The following NBAS variants were observed in gnomAD, a reference collection of about 807,000 sequenced individuals.
NBAS encodes NAG/BC035112 fusion.
Under a neutral mutation model 302.5 loss-of-function variants are expected in NBAS, and 219 were observed. The observed-to-expected ratio is 0.72, with a 90% CI of 0.65 to 0.81. The LOEUF is 0.81. NBAS is among the 30% of genes least tolerant of loss of function. The pLI, the probability that NBAS is intolerant of heterozygous loss-of-function variation, is 0.00. For synonymous variants in NBAS, 1,118 were observed against 1,021.6 expected (o/e 1.09, Z -1.80); for missense variants, 2,932 against 2,841.6 (o/e 1.03, Z -0.72).
At chr2:15,220,190 A>C (rs1282271457) in intron 47 of NBAS, among the ~76,000 whole-genome samples, 3 of 100,254 alleles carry the variant, frequency 3.0e-5, no homozygotes, top group Admixed American at 2.2e-4. Context: ...TGACCCCCCC[A>C]CCTCCCTCCC....
chr2:15,354,963 C>T (rs1318168377), intron 33 of NBAS, among the ~76,000 whole-genome samples: 1 of 152,168 alleles, frequency 6.6e-6, no homozygotes, highest in Non-Finnish European at 1.5e-5. Context: ...ATTTTCCACC[C>T]ACTGACCCTT....
At chr2:14,875,384 G>T in the NBAS span, among the ~76,000 whole-genome samples, 1 of 152,132 alleles carries the variant, frequency 6.6e-6, no homozygotes, top group Non-Finnish European at 1.5e-5. Context: ...TTTTGGGAGG[G>T]CAGGTGGCGA....
chr2:15,494,589 C>A (rs1184934461), intron 11 of NBAS, among the ~76,000 whole-genome samples: 2 of 152,138 alleles, frequency 1.3e-5, no homozygotes, highest in African/African-American at 4.8e-5. Flanking sequence ...ATATTTAATT[C>A]TTCTAACTAG....
Position 15,427,768 on chromosome 2 carries a change from A to C in NBAS, c.2366T>G (p.Ile789Ser). 6.2e-7 allele frequency: 1 copy of C among 1,613,448 alleles called. No homozygotes were observed. Among genetic ancestry groups the C allele is most frequent in the Non-Finnish European group, 8.5e-7 (1 of 1,179,694 alleles). Residue 789 changes from isoleucine to serine, a missense_variant, in exon 22 of 52, where the codon ATT becomes AGT. Coordinates refer to ENST00000281513, the MANE Select transcript of NBAS (RefSeq NM_015909.4). ...ACFNGDSLMI[I>S]PWHEHKHRAK... ...TCGGTGTTTATGTTCATGCCAAGGA[A>C]TGATCATCAGGGAGTCACCGTTAAA...
chr2:14,998,549 A>AT, the NBAS span, among the ~76,000 whole-genome samples: 1 of 152,226 alleles, frequency 6.6e-6, no homozygotes, highest in African/African-American at 2.4e-5. Flanking sequence ...TGCTACTGCA[A>AT]TGGTGAGGAG....
chr2:15,137,430 T>G, the NBAS span, among the ~76,000 whole-genome samples: 1 of 152,162 alleles, frequency 6.6e-6, no homozygotes, highest in African/African-American at 2.4e-5. Context: ...AAGCAACGGT[T>G]GCACCTCAGT....
the NBAS span, among the ~76,000 whole-genome samples, chr2:14,939,059 C>G: frequency 1.2e-4 from 19 of 152,244 alleles, no homozygotes; most frequent in Admixed American, 1.0e-3. Flanking sequence ...TTCACTTCCT[C>G]ACCACAGATA....
chr2:15,050,864 G>A, the NBAS span, among the ~76,000 whole-genome samples: 1 of 152,126 alleles, frequency 6.6e-6, no homozygotes, highest in Non-Finnish European at 1.5e-5. Context: ...AGAGCTGTAG[G>A]GATGAAATGA....
chr2:15,388,004 G>A (rs1466887403), intron 28 of NBAS, among the ~76,000 whole-genome samples: 6 of 152,078 alleles, frequency 3.9e-5, no homozygotes, highest in Middle Eastern at 6.3e-3. Flanking sequence ...CTGTCATAAT[G>A]TTTTTATCAA....
intron 40 of NBAS, among the ~76,000 whole-genome samples, chr2:15,306,703 T>C (rs978165931): frequency 1.3e-5 from 2 of 152,176 alleles, no homozygotes; most frequent in African/African-American, 2.4e-5. Context: ...GCATATTTAC[T>C]TTTAACCCTT....
chr2:15,178,881 T>A, intron 51 of NBAS, 107 bp downstream of exon 51: 1 of 1,467,982 alleles, frequency 6.8e-7, no homozygotes, highest in East Asian at 2.4e-5. Flanking sequence ...ATAGATATAG[T>A]AGTCTTCAAT....
At chr2:14,931,832 G>A in the NBAS span, among the ~76,000 whole-genome samples, 1 of 152,210 alleles carries the variant, frequency 6.6e-6, no homozygotes, top group Admixed American at 6.5e-5. Flanking sequence ...TCAAGGTATT[G>A]TCACTTTTTG....
chr2:14,823,891 T>C, the NBAS span, among the ~76,000 whole-genome samples: 1 of 152,208 alleles, frequency 6.6e-6, no homozygotes, highest in Non-Finnish European at 1.5e-5. Flanking sequence ...AATCTTTCCA[T>C]GGAAGTTTCA....
At chr2:15,390,535 A>AGGTCTACTGTAC (rs1475707206) in intron 28 of NBAS, among the ~76,000 whole-genome samples, 1 of 152,174 alleles carries the variant, frequency 6.6e-6, no homozygotes, top group Non-Finnish European at 1.5e-5. Flanking sequence ...ACACCATGAG[A>AGGTCTACTGTAC]ACTATACGTA....
intron 9 of NBAS, among the ~76,000 whole-genome samples, chr2:15,529,319 G>A (rs1663105147): frequency 6.6e-6 from 1 of 151,912 alleles, no homozygotes; most frequent in South Asian, 2.1e-4. Context: ...GAGCAACATG[G>A]TGAAACCCTA....
chr2:14,867,462 C>A, the NBAS span, among the ~76,000 whole-genome samples: 1 of 152,258 alleles, frequency 6.6e-6, no homozygotes, highest in South Asian at 2.1e-4. Context: ...AAGACCCAGG[C>A]AAGGGCAAAC....
chr2:15,042,300 G>A, the NBAS span, among the ~76,000 whole-genome samples: 1 of 152,206 alleles, frequency 6.6e-6, no homozygotes, highest in African/African-American at 2.4e-5. Context: ...ACAACGTCAT[G>A]TGCTGGCTTG....
intron 21 of NBAS, among the ~76,000 whole-genome samples, chr2:15,439,077 C>T (rs938142701): frequency 3.3e-5 from 5 of 152,068 alleles, no homozygotes; most frequent in African/African-American, 4.8e-5. Context: ...AGGCGGACCA[C>T]GAGGTCTGCA....
intron 21 of NBAS, among the ~76,000 whole-genome samples, chr2:15,436,485 A>T (rs942231021): frequency 1.3e-5 from 2 of 152,210 alleles, no homozygotes; most frequent in Non-Finnish European, 2.9e-5. Flanking sequence ...ATACTTTGGA[A>T]ACCAAGTTAT....
Sources: allele counts gnomAD v4.1 joint callset (sites outside exome capture counted in the v4.1 genomes callset), GRCh38; gene constraint gnomAD v4.1.1; transcripts MANE v1.5; gene names NCBI Gene and HGNC (gene_info 2026-07-23, HGNC 2026-07-21).